Variants in ADAMTS14 observed in about 807,000 individuals in gnomAD.
The protein encoded by ADAMTS14 is ADAM metallopeptidase with thrombospondin type 1 motif 14, also known as A disintegrin and metalloproteinase with thrombospondin motifs 14.
ADAMTS14 carries 100 observed loss-of-function variants against 128.6 expected under a neutral mutation model. That is an observed-to-expected ratio of 0.78 (90% CI 0.66 to 0.92). The LOEUF is 0.92. ADAMTS14 is among the 40% of genes least tolerant of loss of function. The probability of loss-of-function intolerance (pLI) is 0.00; values close to 1 mark genes in which losing one functional copy is unlikely to be tolerated. For synonymous variants in ADAMTS14, 665 were observed against 653.8 expected (o/e 1.02, Z -0.26); for missense variants, 1,562 against 1,658.6 (o/e 0.94, Z 1.01).
intron 4 of ADAMTS14, among the ~76,000 whole-genome samples, chr10:70,720,478 T>C (rs1388259792): frequency 6.6e-6 from 1 of 152,212 alleles, no homozygotes; most frequent in African/African-American, 2.4e-5. Flanking sequence ...TGATGAAATA[T>C]GGCACACATG....
At chr10:70,754,742 C>G (rs1172283946) in intron 19 of ADAMTS14, among the ~76,000 whole-genome samples, 2 of 152,036 alleles carry the variant, frequency 1.3e-5, no homozygotes, top group Admixed American at 1.3e-4. Context: ...ACCAGGGAAG[C>G]CTTTTAACAT....
Position 70,713,777 on chromosome 10 carries a change from G to A in ADAMTS14, c.870+4999G>A, listed in dbSNP as rs187477130. Among the ~76,000 whole-genome samples, 307 of 152,318 alleles carry A rather than the reference G, an allele frequency of 2.0e-3. 6 individuals carry two copies. Among genetic ancestry groups the A allele is most frequent in the Admixed American group, 0.016 (252 of 15,300 alleles). On this transcript the variant is annotated intron_variant, in intron 4 of 21. Transcript: ENST00000373207. Reference sequence around the variant, plus strand: ...GTTGGAGCAGGACCTGTGCCCAGAAGGCAAGCAGCAAAGCATGCGGACAGG... The same window carrying A: ...GTTGGAGCAGGACCTGTGCCCAGAAAGCAAGCAGCAAAGCATGCGGACAGG...
chr10:70,732,430 G>A lies in ADAMTS14; in HGVS notation c.1208+71G>A, dbSNP rs1034603351. On this transcript the variant is annotated intron_variant, in intron 7 of 21. Coordinates refer to ENST00000373207, the MANE Select transcript of ADAMTS14 (RefSeq NM_080722.4). Reference sequence around the variant, plus strand: ...AGCTCCAGGGAATTCTGTGGCTGTGGGAGGATTTGCCCAGCTTGGCCTGGT... The same window carrying A: ...AGCTCCAGGGAATTCTGTGGCTGTGAGAGGATTTGCCCAGCTTGGCCTGGT... 3.6e-5 allele frequency: 51 copies of A among 1,410,906 alleles called. No individual in the cohort carries two copies. The Admixed American group carries it at 9.2e-4, about 25-fold the overall frequency. 87.4% of individuals were successfully genotyped at this position (1,410,906 alleles called of 1,614,324 possible). A position where few individuals can be genotyped will look rare whatever the true frequency, so the allele number is the denominator to read the frequency against.
At chr10:70,675,435 G>A (rs545800223) in intron 2 of ADAMTS14, among the ~76,000 whole-genome samples, 24 of 152,314 alleles carry the variant, frequency 1.6e-4, no homozygotes, top group African/African-American at 4.8e-4. Context: ...GAGCTGACCC[G>A]CGAGTGTTAA....
rs181937471 is a variant in ADAMTS14 at position 70,697,868 on chromosome 10, T to A, written c.523-4444T>A. Among the ~76,000 whole-genome samples, 13 of 152,342 alleles carry A rather than the reference T, an allele frequency of 8.5e-5. No individual in the cohort carries two copies. The East Asian group carries it at 2.3e-3, about 27-fold the overall frequency. ...AAGAGGCAGCCGAATGTGTTACCTT[T>A]GCAACCAAAACGATGTCATGTTGGA... On this transcript the variant is annotated intron_variant, in intron 2 of 21. Coordinates refer to ENST00000373207, the MANE Select transcript of ADAMTS14 (RefSeq NM_080722.4).
In ADAMTS14 at chr10:70,696,730, G is replaced by T. The variant is rs61444013; in HGVS notation, c.523-5582G>T. On this transcript the variant is annotated intron_variant, in intron 2 of 21. Coordinates refer to ENST00000373207, the MANE Select transcript of ADAMTS14 (RefSeq NM_080722.4). ...ATAATAACTGGAGCCAAGTGCTAGG[G>T]TTAGGTGAGCAGGGCAGTGGGGGAA... 9.3e-3 allele frequency among the ~76,000 whole-genome samples: 1,422 copies of T among 152,250 alleles called. 128 individuals carry two copies. The East Asian group carries it at 0.22, about 23-fold the overall frequency.
rs1056822256 is a variant in ADAMTS14, at chr10:70,758,075, C to A, written c.3051C>A (p.Ser1017Arg). The change falls in exon 20 of 22, where the codon AGC becomes AGA. Residue 1017 changes from serine to arginine, a missense_variant. Coordinates refer to ENST00000373207, the MANE Select transcript of ADAMTS14 (RefSeq NM_080722.4). Reference protein sequence around the residue: ...GDRPDTVQVCSLPACGGNHQN... With the variant: ...GDRPDTVQVCRLPACGGNHQN... Reference sequence around the variant, plus strand: ...GGCCAGACACTGTCCAGGTCTGCAGCCTGCCCGCCTGTGGAGGTGAGCCAG... The same window carrying A: ...GGCCAGACACTGTCCAGGTCTGCAGACTGCCCGCCTGTGGAGGTGAGCCAG... 4.3e-6 allele frequency: 7 copies of A among 1,612,234 alleles called. No homozygotes were observed. Among genetic ancestry groups the A allele is most frequent in the Non-Finnish European group, 5.9e-6 (7 of 1,179,088 alleles).
In ADAMTS14 at chr10:70,760,684, CT is replaced by C. The variant is rs1331233773; in HGVS notation, c.3504del (p.Glu1169ArgfsTer41). On this transcript the variant is annotated frameshift_variant, in exon 22 of 22. Transcript: ENST00000373207. Reference protein sequence around the residue: ...SSPGTQHPFAPETPIPGASWS... With the variant: ...SSPGTQHPFAXETPIPGASWS... ...CCAGGGACCCAGCATCCCTTTGCCCCTGAGACACCAATCCCTGGAGCATCCT... is the reference window on the plus strand; with the variant it reads ...CCAGGGACCCAGCATCCCTTTGCCCCGAGACACCAATCCCTGGAGCATCCT... The C allele has an allele frequency of 2.5e-6, 4 of 1,614,204 alleles. No homozygotes were observed. The South Asian group carries it at 3.3e-5, about 13-fold the overall frequency.
intron 15 of ADAMTS14, among the ~76,000 whole-genome samples, chr10:70,746,682 G>A (rs1842189094): frequency 6.6e-6 from 1 of 152,224 alleles, no homozygotes; most frequent in African/African-American, 2.4e-5. Context: ...GCGTGGTGGT[G>A]CATGCCTGTA....
In ADAMTS14 at chr10:70,760,424, C is replaced by T; in HGVS notation, c.3243C>T (p.Ser1081=). ...TGGAAGTGCTCGATCGCTACTGCTC[C>T]ATTCCCGGCTACCACCGGCTCTGCT... ...CQMEVLDRYC[S]IPGYHRLCCV... Residue 1081 remains serine, a synonymous_variant, in exon 22 of 22, where the codon TCC becomes TCT. Coordinates refer to ENST00000373207, the MANE Select transcript of ADAMTS14 (RefSeq NM_080722.4). 2 of 1,612,456 alleles carry T rather than the reference C, an allele frequency of 1.2e-6. No individual in the cohort carries two copies. Among genetic ancestry groups the T allele is most frequent in the South Asian group, 2.2e-5 (2 of 90,886 alleles).
At position 70,674,445 on chromosome 10, in the gene ADAMTS14, C is replaced by T. The variant is rs1188180058; in HGVS notation, c.83-111C>T. 4 of 1,132,892 alleles carry T rather than the reference C, an allele frequency of 3.5e-6. No homozygotes were observed. The African/African-American group carries it at 4.6e-5, about 13-fold the overall frequency. 70.2% of individuals were successfully genotyped at this position (1,132,892 alleles called of 1,614,324 possible). On this transcript the variant is annotated intron_variant, in intron 1 of 21. Transcript: ENST00000373207. ...GGGTGAACTCAGGCTAAGGGGCCCA[C>T]CTAAGGGTGACACTGAGAGTTCCTA... is the stretch of plus-strand genomic sequence containing the variant.
intron 10 of ADAMTS14, among the ~76,000 whole-genome samples, chr10:70,737,767 G>A (rs949603632): frequency 1.3e-5 from 2 of 152,166 alleles, no homozygotes; most frequent in Admixed American, 6.5e-5. Flanking sequence ...ACAGTTTCAC[G>A]AGACAGTTCA....
intron 2 of ADAMTS14, among the ~76,000 whole-genome samples, chr10:70,680,072 T>A (rs905023003): frequency 6.6e-6 from 1 of 152,228 alleles, no homozygotes; most frequent in African/African-American, 2.4e-5. Context: ...ATATGCACTT[T>A]AAGTGGGTGA....
chr10:70,735,391 G>A, intron 9 of ADAMTS14, 90 bp downstream of exon 9: 1 of 1,507,100 alleles, frequency 6.6e-7, no homozygotes, highest in African/African-American at 1.4e-5. Context: ...GGTGCCTTCT[G>A]CCCAGCTGGC....
At chr10:70,697,895 A>T (rs1203540014) in intron 2 of ADAMTS14, among the ~76,000 whole-genome samples, 2 of 152,208 alleles carry the variant, frequency 1.3e-5, no homozygotes, top group Non-Finnish European at 2.9e-5. Context: ...CATGTTGGAG[A>T]ATCCACAGTC....
chr10:70,747,743 G>A (rs527486459), intron 15 of ADAMTS14, among the ~76,000 whole-genome samples: 139 of 152,310 alleles, frequency 9.1e-4, no homozygotes, highest in African/African-American at 3.2e-3. Flanking sequence ...AGAGTTTTCC[G>A]GGGAGCCTGG....
intron 4 of ADAMTS14, among the ~76,000 whole-genome samples, chr10:70,725,705 A>T (rs1187022629): frequency 6.6e-6 from 1 of 152,044 alleles, no homozygotes; most frequent in Non-Finnish European, 1.5e-5. Flanking sequence ...TGGGAGTTGG[A>T]TTTCAACATA....
chr10:70,702,452 G>A lies in ADAMTS14; in HGVS notation c.663G>A (p.Gly221=), dbSNP rs779351289. 1.7e-5 allele frequency: 27 copies of A among 1,609,632 alleles called. No homozygotes were observed. The highest frequency in any genetic ancestry group is 2.1e-5 in the Non-Finnish European group (25 of 1,177,710). The change falls in exon 3 of 22, where the codon GGG becomes GGA. Residue 221 remains glycine (G), a synonymous_variant. Transcript: ENST00000373207. The stretch of plus-strand genomic sequence containing the variant: ...AGCAGGAGTGGGCAGAACCTGACGG[G>A]GACCTGCACAATGAAGGTAGGCTGT... ...AVQQEWAEPD[G]DLHNEAFGLG...
In ADAMTS14 at chr10:70,674,715, G is replaced by A; in HGVS notation, c.242G>A (p.Ser81Asn). The A allele has an allele frequency of 6.2e-7, 1 of 1,613,514 alleles. No individual in the cohort carries two copies. ...CCACCCACACTACCACGACACTCCA[G>A]TCACCTCCGGGTGGCTCGCAGCCCT... is the stretch of plus-strand genomic sequence containing the variant. Reference protein sequence around the residue: ...DTPPTLPRHSSHLRVARSPLH... With the variant: ...DTPPTLPRHSNHLRVARSPLH... The change falls in exon 2 of 22, where the codon AGT (serine) becomes AAT (asparagine). Residue 81 changes from serine (S) to asparagine (N), a missense_variant. Coordinates refer to ENST00000373207, the MANE Select transcript of ADAMTS14 (RefSeq NM_080722.4).
Sources: allele counts gnomAD v4.1 joint callset (sites outside exome capture counted in the v4.1 genomes callset), GRCh38; gene constraint gnomAD v4.1.1; transcripts MANE v1.5; gene names NCBI Gene and HGNC (gene_info 2026-07-23, HGNC 2026-07-21).